The following ZNF106 variants were observed in gnomAD, a reference collection of about 807,000 sequenced individuals.
The protein encoded by ZNF106 is SH3-domain binding protein 3.
In ZNF106, 67 loss-of-function variants were observed where a neutral mutation model predicts 195.1. The observed-to-expected ratio is 0.34, with a 90% CI of 0.28 to 0.42. The LOEUF is 0.42. Ranked by LOEUF, ZNF106 falls within the 10% of genes least tolerant of loss-of-function variation. The pLI, the probability that ZNF106 is intolerant of heterozygous loss-of-function variation, is 1.00. For synonymous variants in ZNF106, 784 were observed against 818.6 expected (o/e 0.96, Z 0.72); for missense variants, 2,118 against 2,304.5 (o/e 0.92, Z 1.66).
Position 42,449,864 on chromosome 15 carries a change from T to C in ZNF106, c.2408A>G (p.Gln803Arg). ...ATTTCTCCGAGATGCATTTAGAATC[T>C]GCCGTAGGGTTGGCTTGAGCCCAGA... ...KESGLKPTLRQILNASRRNVN... is the reference protein window; with the variant it reads ...KESGLKPTLRRILNASRRNVN... The change falls in exon 5 of 22, where the codon CAG (glutamine) becomes CGG (arginine). Residue 803 changes from glutamine (Q) to arginine (R), a missense_variant. Physicochemically the swap from Gln to Arg is conservative, Grantham distance 43 (BLOSUM62 1). Coordinates refer to ENST00000564754, the MANE Select transcript of ZNF106 (RefSeq NM_001366845.3). 6.2e-7 allele frequency: 1 copy of C among 1,614,202 alleles called. No individual in the cohort carries two copies. Among genetic ancestry groups the C allele is most frequent in the Non-Finnish European group, 8.5e-7 (1 of 1,180,020 alleles).
intron 1 of ZNF106, among the ~76,000 whole-genome samples, chr15:42,475,636 G>A (rs1053757611): frequency 2.6e-5 from 4 of 152,106 alleles, no homozygotes; most frequent in African/African-American, 4.8e-5. Context: ...GTTAAGTGCT[G>A]TAGCATACTA....
chr15:42,459,929 G>A (rs2056348421), intron 3 of ZNF106, among the ~76,000 whole-genome samples: 1 of 151,802 alleles, frequency 6.6e-6, no homozygotes, highest in Admixed American at 6.6e-5. Flanking sequence ...TGTAATCCCA[G>A]CTACTCAGGA....
At chr15:42,440,998 A>AAATATATAT (rs1567009198) in intron 10 of ZNF106, among the ~76,000 whole-genome samples, 1 of 23,578 alleles carries the variant, frequency 4.2e-5, no homozygotes, top group Non-Finnish European at 6.5e-5. Flanking sequence ...AAAAAAAAAA[A>AAATATATAT]ATATATATAT....
At position 42,450,264 on chromosome 15, in the gene ZNF106, C is replaced by A. The variant is rs1343495289; in HGVS notation, c.2008G>T (p.Val670Phe). The change falls in exon 5 of 22, where the codon GTT (valine) becomes TTT (phenylalanine). Residue 670 changes from valine (V) to phenylalanine (F), a missense_variant. Transcript: ENST00000564754. ...ELSTSPCNPI[V>F]RQKESELQMT... Reference sequence around the variant, plus strand: ...TGTAATTCAGATTCTTTCTGGCGAACTATGGGATTACATGGGGAAGTGGAT... The same window carrying A: ...TGTAATTCAGATTCTTTCTGGCGAAATATGGGATTACATGGGGAAGTGGAT... The A allele has an allele frequency of 6.2e-7, 1 of 1,614,076 alleles. No individual in the cohort carries two copies. Among genetic ancestry groups the A allele is most frequent in the Non-Finnish European group, 8.5e-7 (1 of 1,180,044 alleles).
chr15:42,417,339 G>A lies in ZNF106; in HGVS notation c.5686C>T (p.Arg1896Ter), dbSNP rs1450370396. Reference sequence around the variant, plus strand: ...ATTTTGCTGTCATCTTCAGCATGTCGTTCAATATGTCCTGCAGCATCCTAG... The same window carrying A: ...ATTTTGCTGTCATCTTCAGCATGTCATTCAATATGTCCTGCAGCATCCTAG... ...SKQDAAGHIE[R>*]HAEDDSKIDS The change falls in exon 22 of 22, where the codon CGA (arginine) becomes TGA (stop). Residue 1896 changes from arginine to a stop codon, truncating the protein, a stop_gained. Coordinates refer to ENST00000564754, the MANE Select transcript of ZNF106 (RefSeq NM_001366845.3). LOFTEE classifies it high-confidence loss of function. 5.0e-6 allele frequency: 8 copies of A among 1,614,008 alleles called. No individual in the cohort carries two copies. The highest frequency in any genetic ancestry group is 2.2e-5 in the East Asian group (1 of 44,876).
intron 15 of ZNF106, among the ~76,000 whole-genome samples, chr15:42,426,739 A>C (rs2054874284): frequency 6.6e-6 from 1 of 152,110 alleles, no homozygotes; most frequent in South Asian, 2.1e-4. Context: ...ACGAAAGAGA[A>C]GGTAATTAGG....
At chr15:42,477,042 G>A (rs772257092) in intron 1 of ZNF106, among the ~76,000 whole-genome samples, 5 of 152,024 alleles carry the variant, frequency 3.3e-5, no homozygotes, top group African/African-American at 4.8e-5. Flanking sequence ...ACAGGGTATC[G>A]GTGCCCCCAA....
intron 17 of ZNF106, among the ~76,000 whole-genome samples, chr15:42,423,796 C>A (rs1016427058): frequency 1.3e-5 from 2 of 152,220 alleles, no homozygotes; most frequent in Non-Finnish European, 2.9e-5. Context: ...TACATAAAGC[C>A]TGTCTGTCCA....
At chr15:42,441,335 T>A (rs2055529425) in intron 10 of ZNF106, among the ~76,000 whole-genome samples, 5 of 151,856 alleles carry the variant, frequency 3.3e-5, no homozygotes, top group African/African-American at 9.7e-5. Flanking sequence ...AGAGTGAGAC[T>A]CTGTCTCAAT....
intron 1 of ZNF106, chr15:42,490,199 C>T (rs2057116731): frequency 6.6e-6 from 1 of 151,244 alleles, no homozygotes; most frequent in African/African-American, 2.4e-5. Context: ...CACTGCACCC[C>T]AGCCTGGCAA....
In ZNF106 at chr15:42,432,087, T is replaced by C. The variant is rs142369529; in HGVS notation, c.4881+3297A>G. Among the ~76,000 whole-genome samples, 14 of 152,350 alleles carry C rather than the reference T, an allele frequency of 9.2e-5. No individual in the cohort carries two copies. In the East Asian group the frequency reaches 2.1e-3, roughly 23 times the overall value. ...CTCTGTTATTAGGTACCTGTACTTA[T>C]AATTGTTATATCTTTCGGGTGTGCT... On this transcript the variant is annotated intron_variant, in intron 14 of 21. Transcript: ENST00000564754.
At chr15:42,471,366 C>A (rs2056664177) in intron 2 of ZNF106, among the ~76,000 whole-genome samples, 1 of 152,162 alleles carries the variant, frequency 6.6e-6, no homozygotes, top group African/African-American at 2.4e-5. Flanking sequence ...AGCAGCACTA[C>A]TCTGAAAGCA....
intron 2 of ZNF106, among the ~76,000 whole-genome samples, chr15:42,469,914 A>G (rs767077873): frequency 5.9e-5 from 9 of 152,036 alleles, no homozygotes; most frequent in Non-Finnish European, 1.0e-4. Context: ...CCACAGGCAC[A>G]GGATTAAGGT....
intron 18 of ZNF106, 125 bp from the exon 19 acceptor site, chr15:42,422,113 A>G (rs2054684831): frequency 1.5e-6 from 1 of 674,066 alleles, no homozygotes. Flanking sequence ...CACCAGTAGC[A>G]TTCTAACAGA....
Position 42,451,948 on chromosome 15 carries a change from A to C in ZNF106, c.324T>G (p.Asp108Glu), listed in dbSNP as rs752147922. Residue 108 changes from aspartate to glutamate, a missense_variant, in exon 5 of 22, where the codon GAT becomes GAG. Physicochemically the swap from Asp to Glu is conservative, Grantham distance 45. Transcript: ENST00000564754. ...TTTCTTGGTTGCTATTGGAAGGTTC[A>C]TCTTGTCTGGAAGAAAAACAGTTTT... ...IKQRKEQSRQ[D>E]EPSNSNQEIN... is the part of the protein sequence containing the mutation. 13 of 1,602,994 alleles carry C rather than the reference A, an allele frequency of 8.1e-6. No homozygotes were observed. The South Asian group carries it at 1.5e-4, about 18-fold the overall frequency.
Position 42,428,110 on chromosome 15 carries a change from G to C in ZNF106, c.4906C>G (p.Gln1636Glu), listed in dbSNP as rs867220561. Residue 1636 changes from glutamine (Q) to glutamate (E), a missense_variant, in exon 15 of 22, where the codon CAG becomes GAG. Gln to Glu is a conservative substitution (Grantham distance 29, BLOSUM62 2). Coordinates refer to ENST00000564754, the MANE Select transcript of ZNF106 (RefSeq NM_001366845.3). ...VKSRECVEQLQLEDRVLCLHS... is the reference protein window; with the variant it reads ...VKSRECVEQLELEDRVLCLHS... ...AGGCAGAGGACCCGGTCTTCCAGCTGTAACTGCTCCACACACTCTCGGCTC... is the reference window on the plus strand; with the variant it reads ...AGGCAGAGGACCCGGTCTTCCAGCTCTAACTGCTCCACACACTCTCGGCTC... 1.9e-6 allele frequency: 3 copies of C among 1,614,100 alleles called. No individual in the cohort carries two copies. The highest frequency in any genetic ancestry group is 1.6e-4 in the Middle Eastern group (1 of 6,062).
Position 42,414,650 on chromosome 15 carries a change from C to A in ZNF106, c.*2654G>T, listed in dbSNP as rs546781676. On this transcript the variant is annotated 3_prime_UTR_variant, in exon 22 of 22. Coordinates refer to ENST00000564754, the MANE Select transcript of ZNF106 (RefSeq NM_001366845.3). ...GTTCCCACAACTGCCCAACACCTCA[C>A]CTACCCGTTTCCTGCTGCACAAAGT... 6.6e-6 allele frequency: 1 copy of A among 152,434 alleles called. No individual in the cohort carries two copies. Among genetic ancestry groups the A allele is most frequent in the East Asian group, 1.9e-4 (1 of 5,184 alleles). The allele number at this position is 152,434 out of a possible 1,614,324, so 9.4% of individuals were successfully genotyped here. A position where few individuals can be genotyped will look rare whatever the true frequency, so the allele number is the denominator to read the frequency against.
chr15:42,448,414 C>CA lies in ZNF106; in HGVS notation c.2792dup (p.Met931IlefsTer18). The CA allele has an allele frequency of 1.2e-6, 2 of 1,614,158 alleles. No individual in the cohort carries two copies. The highest frequency in any genetic ancestry group is 1.7e-6 in the Non-Finnish European group (2 of 1,180,040). Reference sequence around the variant, plus strand: ...GAGGTGTCACTTCTTGTTTGAGGTGCATGGTTGCTTTCTGGCTCTGTCCAG... The same window carrying CA: ...GAGGTGTCACTTCTTGTTTGAGGTGCAATGGTTGCTTTCTGGCTCTGTCCAG... On this transcript the variant is annotated frameshift_variant, in exon 6 of 22. Coordinates refer to ENST00000564754, the MANE Select transcript of ZNF106 (RefSeq NM_001366845.3). LOFTEE classifies it high-confidence loss of function.
chr15:42,467,415 T>C (rs1299925408), intron 2 of ZNF106, among the ~76,000 whole-genome samples: 1 of 152,230 alleles, frequency 6.6e-6, no homozygotes, highest in Non-Finnish European at 1.5e-5. Context: ...TGCAGAGAAG[T>C]TACCTCATTC....
Sources: allele counts gnomAD v4.1 joint callset (sites outside exome capture counted in the v4.1 genomes callset), GRCh38; gene constraint gnomAD v4.1.1; transcripts MANE v1.5; gene names NCBI Gene and HGNC (gene_info 2026-07-23, HGNC 2026-07-21).